The following MACROD2 variants were observed in gnomAD, a reference collection of about 807,000 sequenced individuals.
MACROD2 encodes ADP-ribose glycohydrolase MACROD2.
In MACROD2, 36 loss-of-function variants were observed where a neutral mutation model predicts 70.4. That is an observed-to-expected ratio of 0.51 (90% CI 0.39 to 0.68). The LOEUF is 0.68. Among genes scored for constraint, MACROD2 ranks in the 30% least tolerant of loss-of-function variants. The pLI is 0.00. For synonymous variants in MACROD2, 172 were observed against 178.8 expected (o/e 0.96, Z 0.30); for missense variants, 496 against 538.4 (o/e 0.92, Z 0.78).
chr20:14,493,391 A>ATT, intron 3 of MACROD2, 88 bp from the exon 4 acceptor site: 1 of 1,112,976 alleles, frequency 9.0e-7, no homozygotes. Context: ...ACATATGATC[A>ATT]TTATTAGCTT....
chr20:14,975,123 G>C (rs938122030), intron 5 of MACROD2, among the ~76,000 whole-genome samples: 5 of 151,988 alleles, frequency 3.3e-5, no homozygotes, highest in Non-Finnish European at 7.4e-5. Flanking sequence ...GACAAATTTT[G>C]GTAATGAAAA....
chr20:14,649,526 G>A lies in MACROD2; in HGVS notation c.302-35317G>A, dbSNP rs150312978. Among the ~76,000 whole-genome samples, 4 of 152,250 alleles carry A rather than the reference G, an allele frequency of 2.6e-5. No homozygotes were observed. In the East Asian group the frequency reaches 5.8e-4, roughly 22 times the overall value. On this transcript the variant is annotated intron_variant, in intron 4 of 17. Transcript: ENST00000684519. ...TCCCGAAGAGGAGTTTGCATTGGCT[G>A]CAAAGGGGATCCAAGACCTTAGCTC...
chr20:15,147,734 G>T (rs558256601), intron 5 of MACROD2, among the ~76,000 whole-genome samples: 2 of 152,256 alleles, frequency 1.3e-5, no homozygotes, highest in Admixed American at 6.5e-5. Flanking sequence ...AACAGGCTTT[G>T]TGTGAGCAAC....
At chr20:14,559,570 G>A (rs1032457978) in intron 4 of MACROD2, among the ~76,000 whole-genome samples, 4 of 151,818 alleles carry the variant, frequency 2.6e-5, no homozygotes, top group African/African-American at 9.6e-5. Flanking sequence ...TAGAATGTCA[G>A]CACGTTTACA....
rs2073377516 is a variant in MACROD2 at position 14,862,641 on chromosome 20, AAAT to A, written c.418+177684_418+177686del. On this transcript the variant is annotated intron_variant, in intron 5 of 17. Transcript: ENST00000684519. ...AATATATATATATAAATATATATAT[AAAT>A]ATATATATATAAATATATATATAAA... Among the ~76,000 whole-genome samples the A allele has an allele frequency of 4.1e-4, 4 of 9,662 alleles. No homozygotes were observed. In the African/African-American group the frequency reaches 4.4e-3, roughly 11 times the overall value. 6.3% of individuals were successfully genotyped at this position (9,662 alleles called of 152,430 possible).
intron 5 of MACROD2, among the ~76,000 whole-genome samples, chr20:14,709,827 G>A (rs1377261047): frequency 6.6e-6 from 1 of 152,150 alleles, no homozygotes; most frequent in Non-Finnish European, 1.5e-5. Flanking sequence ...TCTTCAATTT[G>A]TTAAATTGAG....
chr20:15,416,266 ATTTC>A lies in MACROD2; in HGVS notation c.541-15133_541-15130del, dbSNP rs762567320. Among the ~76,000 whole-genome samples the A allele has an allele frequency of 2.7e-4, 41 of 152,214 alleles. 1 individual carries two copies. The East Asian group carries it at 4.2e-3, about 16-fold the overall frequency. On this transcript the variant is annotated intron_variant, in intron 6 of 17. Coordinates refer to ENST00000684519, the MANE Select transcript of MACROD2 (RefSeq NM_001351661.2). ...AACTTGGGAAATATGACTACAATCA[ATTTC>A]TTTCTCCTTTTCTTTTCTTGCTTTC...
intron 8 of MACROD2, among the ~76,000 whole-genome samples, chr20:15,697,271 C>G (rs1033992467): frequency 6.6e-6 from 1 of 152,066 alleles, no homozygotes; most frequent in African/African-American, 2.4e-5. Context: ...TCATTCAGTT[C>G]GAAGAATTTT....
At chr20:14,603,111 G>GT (rs889081797) in intron 4 of MACROD2, among the ~76,000 whole-genome samples, 4 of 152,084 alleles carry the variant, frequency 2.6e-5, no homozygotes, top group Admixed American at 1.3e-4. Flanking sequence ...CATATAGTTG[G>GT]TTTTTTTAAG....
intron 10 of MACROD2, among the ~76,000 whole-genome samples, chr20:15,898,315 C>A (rs1047464911): frequency 2.0e-5 from 3 of 152,096 alleles, no homozygotes; most frequent in East Asian, 1.9e-4. Context: ...TTTGGGAGCC[C>A]GAGGCGGGTG....
intron 4 of MACROD2, among the ~76,000 whole-genome samples, chr20:14,633,125 T>C (rs113457668): frequency 3.3e-5 from 5 of 152,362 alleles, no homozygotes; most frequent in African/African-American, 1.2e-4. Context: ...ACTCGCCTTC[T>C]TTGGCCTGTG....
At chr20:14,223,946 TG>T (rs1367675423) in intron 3 of MACROD2, among the ~76,000 whole-genome samples, 2 of 152,186 alleles carry the variant, frequency 1.3e-5, no homozygotes, top group African/African-American at 2.4e-5. Context: ...GCCAGCAGGC[TG>T]GAGACCTGAG....
intron 4 of MACROD2, among the ~76,000 whole-genome samples, chr20:14,501,945 A>G (rs1034904920): frequency 1.3e-5 from 2 of 152,220 alleles, no homozygotes; most frequent in Non-Finnish European, 2.9e-5. Context: ...TCCTAATTAC[A>G]TAGTAGCTAT....
At chr20:14,390,191 G>T (rs1265333850) in intron 3 of MACROD2, among the ~76,000 whole-genome samples, 5 of 152,142 alleles carry the variant, frequency 3.3e-5, no homozygotes, top group Non-Finnish European at 7.3e-5. Context: ...GCCAACTAGG[G>T]AGTTGAAATA....
intron 3 of MACROD2, among the ~76,000 whole-genome samples, chr20:14,168,894 T>A (rs1477151166): frequency 6.6e-6 from 1 of 151,962 alleles, no homozygotes; most frequent in African/African-American, 2.4e-5. Context: ...GGAAAGGACA[T>A]AACAAAAAAA....
intron 5 of MACROD2, among the ~76,000 whole-genome samples, chr20:15,077,984 G>A (rs906859023): frequency 5.3e-5 from 8 of 152,092 alleles, no homozygotes; most frequent in Non-Finnish European, 7.4e-5. Flanking sequence ...CGGGGAAAGG[G>A]CCACTGGAAA....
At chr20:15,196,945 T>C (rs575768412) in intron 5 of MACROD2, 9 of 985,388 alleles carry the variant, frequency 9.1e-6, no homozygotes, top group East Asian at 1.1e-4. Context: ...CCTTTAAAAA[T>C]TGGAGCCCTT....
At chr20:14,421,712 A>G (rs913422672) in intron 3 of MACROD2, among the ~76,000 whole-genome samples, 3 of 151,628 alleles carry the variant, frequency 2.0e-5, no homozygotes, top group Admixed American at 6.6e-5. Flanking sequence ...GAATTTTCCT[A>G]TTTTCCTTCT....
chr20:14,679,324 A>G (rs1055973025), intron 4 of MACROD2, among the ~76,000 whole-genome samples: 2 of 152,198 alleles, frequency 1.3e-5, no homozygotes. Flanking sequence ...GAGGGAATAG[A>G]AAGCCTGGGT....
Sources: allele counts gnomAD v4.1 joint callset (sites outside exome capture counted in the v4.1 genomes callset), GRCh38; gene constraint gnomAD v4.1.1; transcripts MANE v1.5; gene names NCBI Gene and HGNC (gene_info 2026-07-23, HGNC 2026-07-21).